The following ME3 variants were observed in gnomAD, a reference collection of about 807,000 sequenced individuals.
The protein encoded by ME3 is malic enzyme 3, also known as NADP-dependent malic enzyme, mitochondrial.
ME3 carries 48 observed loss-of-function variants against 68.9 expected under a neutral mutation model. That is an observed-to-expected ratio of 0.70 (90% confidence interval 0.55 to 0.89). ME3 has a LOEUF of 0.89. ME3 is among the 40% of genes least tolerant of loss of function. The pLI is 0.00. For missense variants in ME3, 675 were observed against 797.4 expected, an observed-to-expected ratio of 0.85 and a Z score of 1.85; for synonymous variants, 320 against 318.8, an observed-to-expected ratio of 1.00 and a Z score of -0.04.
At chr11:86,542,341 G>C (rs1350838013) in intron 4 of ME3, among the ~76,000 whole-genome samples, 1 of 152,168 alleles carries the variant, frequency 6.6e-6, no homozygotes, top group Non-Finnish European at 1.5e-5. Context: ...CAGAAGGTGG[G>C]TAATAACAAA....
chr11:86,530,418 A>G (rs1040176576), intron 4 of ME3, among the ~76,000 whole-genome samples: 2 of 152,258 alleles, frequency 1.3e-5, no homozygotes, highest in African/African-American at 4.8e-5. Flanking sequence ...AAATGGCCAT[A>G]GTGCCCAAGG....
At chr11:86,559,775 G>A (rs993635913) in exon 3 of ME3, 12 of 1,613,970 alleles carry the variant, frequency 7.4e-6, no homozygotes, top group Non-Finnish European at 1.0e-5. Context: ...GGCGGGATTA[G>A]GCCGTGGATT....
chr11:86,654,474 A>G (rs1355308907), intron 2 of ME3, among the ~76,000 whole-genome samples: 1 of 152,252 alleles, frequency 6.6e-6, no homozygotes, highest in Non-Finnish European at 1.5e-5. Flanking sequence ...TCCAGCATAT[A>G]AACAGAACCA....
intron 8 of ME3, among the ~76,000 whole-genome samples, chr11:86,451,857 A>G (rs1286967670): frequency 3.9e-5 from 6 of 152,220 alleles, no homozygotes; most frequent in African/African-American, 1.4e-4. Context: ...GGGCAGCAAT[A>G]TGCTCATGCC....
At chr11:86,463,786 A>G (rs913807945) in intron 8 of ME3, among the ~76,000 whole-genome samples, 10 of 152,240 alleles carry the variant, frequency 6.6e-5, no homozygotes, top group African/African-American at 1.4e-4. Context: ...TGGGGAAAAA[A>G]GGGCAACTTG....
intron 2 of ME3, among the ~76,000 whole-genome samples, chr11:86,625,175 T>C (rs1943583363): frequency 6.6e-6 from 1 of 152,080 alleles, no homozygotes. Flanking sequence ...CTTACCCCCA[T>C]TGCCAAACTC....
intron 4 of ME3, among the ~76,000 whole-genome samples, chr11:86,521,431 A>AAAAAATAATAATAATAAT (rs1271326906): frequency 2.7e-4 from 39 of 145,994 alleles, no homozygotes; most frequent in Non-Finnish European, 1.5e-4. Context: ...AACAAAACAA[A>AAAAAATAATAATAATAAT]AATAATAATA....
intron 6 of ME3, among the ~76,000 whole-genome samples, chr11:86,492,348 A>G (rs1818433518): frequency 6.6e-6 from 1 of 152,336 alleles, no homozygotes; most frequent in East Asian, 1.9e-4. Context: ...AAAATTAAGA[A>G]GGTCTTAGAA....
At chr11:86,560,446 A>G (rs932172102) in intron 2 of ME3, among the ~76,000 whole-genome samples, 2 of 152,084 alleles carry the variant, frequency 1.3e-5, no homozygotes, top group Non-Finnish European at 2.9e-5. Context: ...ACCTAGTCTC[A>G]GGTAGTATCT....
At chr11:86,635,339 G>C (rs1286831786) in intron 2 of ME3, among the ~76,000 whole-genome samples, 1 of 152,216 alleles carries the variant, frequency 6.6e-6, no homozygotes, top group Non-Finnish European at 1.5e-5. Context: ...GAATGTGGCT[G>C]TCTGCAAGCC....
At chr11:86,521,396 A>AAAAC (rs1255637085) in intron 4 of ME3, among the ~76,000 whole-genome samples, 1 of 131,840 alleles carries the variant, frequency 7.6e-6, no homozygotes, top group African/African-American at 3.2e-5. Context: ...CTCCATCTCA[A>AAAAC]AAACAAACAA....
chr11:86,464,259 C>A, intron 8 of ME3: 2 of 335,758 alleles, frequency 6.0e-6, no homozygotes, highest in Non-Finnish European at 1.2e-5. Context: ...TTTGTTAAAG[C>A]ATCATCAAGG....
chr11:86,619,118 A>G (rs1032674740), intron 2 of ME3, among the ~76,000 whole-genome samples: 15 of 152,170 alleles, frequency 9.9e-5, no homozygotes, highest in African/African-American at 3.1e-4. Flanking sequence ...ACCATGAGTA[A>G]AAGCTCCCTG....
At chr11:86,467,429 A>G (rs1349445342) in intron 7 of ME3, among the ~76,000 whole-genome samples, 1 of 152,052 alleles carries the variant, frequency 6.6e-6, no homozygotes, top group Non-Finnish European at 1.5e-5. Context: ...CCCATGCACA[A>G]ATATAATGCC....
At chr11:86,620,031 T>A (rs895011171) in intron 2 of ME3, among the ~76,000 whole-genome samples, 16 of 152,144 alleles carry the variant, frequency 1.1e-4, no homozygotes, top group African/African-American at 2.7e-4. Flanking sequence ...CATGTCAGTA[T>A]TTTTTACACA....
chr11:86,644,584 A>G (rs1944881363), intron 2 of ME3, among the ~76,000 whole-genome samples: 1 of 152,146 alleles, frequency 6.6e-6, no homozygotes. Flanking sequence ...ACTCTACGTG[A>G]TATAAGCTGT....
chr11:86,557,193 T>TA (rs1956977231), intron 3 of ME3, among the ~76,000 whole-genome samples: 1 of 152,202 alleles, frequency 6.6e-6, no homozygotes, highest in African/African-American at 2.4e-5. Context: ...TCTGGGCATA[T>TA]AAGCACTCTA....
intron 2 of ME3, among the ~76,000 whole-genome samples, chr11:86,589,391 A>G (rs1037409745): frequency 6.6e-6 from 1 of 152,126 alleles, no homozygotes; most frequent in Non-Finnish European, 1.5e-5. Flanking sequence ...ATATGAATGA[A>G]TGAATGAATG....
chr11:86,582,764 CT>C (rs1195215337), intron 2 of ME3, among the ~76,000 whole-genome samples: 7 of 151,926 alleles, frequency 4.6e-5, no homozygotes, highest in Non-Finnish European at 8.8e-5. Flanking sequence ...CTCTTTCCCC[CT>C]AGAAGAAAAC....
Sources: gnomAD v4.1 joint callset for allele counts (sites outside exome capture counted in the v4.1 genomes callset) on GRCh38, gnomAD v4.1.1 for gene constraint, MANE v1.5 for transcripts, NCBI Gene and HGNC (gene_info 2026-07-23, HGNC 2026-07-21) for gene names.